Variants in MECOM observed in about 807,000 individuals in gnomAD.
The protein encoded by MECOM is MDS1 and EVI1 complex locus.
Under a neutral mutation model 116.3 loss-of-function variants are expected in MECOM, and 13 were observed. The ratio of observed to expected loss-of-function variants is 0.11; its 90% CI spans 0.07 to 0.18. The LOEUF is 0.18. MECOM is among the 10% of genes least tolerant of loss of function. MECOM has a pLI of 1.00. For synonymous variants in MECOM, 528 were observed against 535.2 expected (o/e 0.99, Z 0.19); for missense variants, 1,299 against 1,509.0 (o/e 0.86, Z 2.31).
At chr3:169,237,594 T>A (rs59909877) in intron 2 of MECOM, among the ~76,000 whole-genome samples, 1 of 114,292 alleles carries the variant, frequency 8.7e-6, no homozygotes, top group African/African-American at 3.5e-5. Context: ...CTGTGCTAAC[T>A]GCAATGTCTC....
rs188214304 is a variant in MECOM at position 169,230,501 on chromosome 3, C to T, written c.376-86669G>A. Among the ~76,000 whole-genome samples the T allele has an allele frequency of 1.3e-4, 20 of 152,170 alleles. No individual in the cohort carries two copies. The East Asian group carries it at 2.7e-3, about 21-fold the overall frequency. ...TACCAGTTCATTATGACTTAATTCTCGATTTTGTTATTGATTTATTAAAAA... is the reference window on the plus strand; with the variant it reads ...TACCAGTTCATTATGACTTAATTCTTGATTTTGTTATTGATTTATTAAAAA... On this transcript the variant is annotated intron_variant, in intron 2 of 16. Transcript: ENST00000651503.
chr3:169,263,460 T>G (rs1030278568), intron 2 of MECOM, among the ~76,000 whole-genome samples: 1 of 151,680 alleles, frequency 6.6e-6, no homozygotes, highest in Non-Finnish European at 1.5e-5. Context: ...TGCCACCGAA[T>G]ATTGACAGAA....
Position 169,632,490 on chromosome 3 carries a change from T to C in MECOM, c.37+30846A>G, listed in dbSNP as rs1490462234. Among the ~76,000 whole-genome samples the C allele has an allele frequency of 3.3e-5, 5 of 152,266 alleles. No individual in the cohort carries two copies. The East Asian group carries it at 9.6e-4, about 29-fold the overall frequency. On this transcript the variant is annotated intron_variant, in intron 1 of 16. Coordinates refer to ENST00000651503, the MANE Select transcript of MECOM (RefSeq NM_004991.4). ...CCCAATCACAGAGCATCATCTTGAA[T>C]TAAAAAATAATCTAAACTTACCGCT...
chr3:169,475,163 T>C (rs558533647), intron 1 of MECOM, among the ~76,000 whole-genome samples: 1 of 152,320 alleles, frequency 6.6e-6, no homozygotes, highest in African/African-American at 2.4e-5. Context: ...CTTTTAATGA[T>C]AACATAGCAT....
chr3:169,495,201 C>T (rs764862342), intron 1 of MECOM, among the ~76,000 whole-genome samples: 7 of 152,130 alleles, frequency 4.6e-5, no homozygotes, highest in Admixed American at 6.6e-5. Context: ...AAGTTCTCCA[C>T]GTATCTTTAA....
intron 2 of MECOM, among the ~76,000 whole-genome samples, chr3:169,171,024 AG>A (rs1744323364): frequency 6.6e-6 from 1 of 152,234 alleles, no homozygotes; most frequent in African/African-American, 2.4e-5. Flanking sequence ...AAGATTTCAA[AG>A]GTACTCCTGG....
At chr3:169,584,513 A>T (rs535072284) in intron 1 of MECOM, among the ~76,000 whole-genome samples, 9 of 151,180 alleles carry the variant, frequency 6.0e-5, no homozygotes, top group African/African-American at 1.9e-4. Flanking sequence ...TGCAGTGAGC[A>T]GAGATGGCGC....
intron 3 of MECOM, among the ~76,000 whole-genome samples, chr3:169,135,452 C>G (rs1194379592): frequency 6.6e-6 from 1 of 151,890 alleles, no homozygotes; most frequent in Non-Finnish European, 1.5e-5. Context: ...AGAAAAAACT[C>G]AATTCTTCCC....
intron 1 of MECOM, among the ~76,000 whole-genome samples, chr3:169,494,201 C>T (rs1753534906): frequency 6.6e-6 from 1 of 151,918 alleles, no homozygotes; most frequent in South Asian, 2.1e-4. Flanking sequence ...GTTTTTATTA[C>T]CCAAAGGAAA....
intron 1 of MECOM, among the ~76,000 whole-genome samples, chr3:169,439,878 C>T (rs1458994678): frequency 6.6e-6 from 1 of 152,084 alleles, no homozygotes; most frequent in Admixed American, 6.6e-5. Context: ...AAATGAATAA[C>T]ATGGGTGAAT....
chr3:169,521,433 A>G (rs890364667), intron 1 of MECOM, among the ~76,000 whole-genome samples: 1 of 152,220 alleles, frequency 6.6e-6, no homozygotes, highest in African/African-American at 2.4e-5. Flanking sequence ...TCCATTCCCA[A>G]GAAAAAGAAG....
intron 1 of MECOM, among the ~76,000 whole-genome samples, chr3:169,563,183 C>T (rs1762854687): frequency 6.6e-6 from 1 of 152,094 alleles, no homozygotes; most frequent in Admixed American, 6.6e-5. Context: ...AGAGGGTGCA[C>T]CCTGGCAGAC....
chr3:169,573,695 A>G (rs75334937), intron 1 of MECOM, among the ~76,000 whole-genome samples: 1,822 of 152,316 alleles, frequency 0.012, 31 homozygotes, highest in African/African-American at 0.034. Context: ...TTAACTTTCA[A>G]GAAGAAAATA....
chr3:169,276,377 C>T lies in MECOM; in HGVS notation c.375+104810G>A, dbSNP rs537874280. Among the ~76,000 whole-genome samples the T allele has an allele frequency of 1.2e-3, 181 of 151,994 alleles. 1 individual carries two copies. Among genetic ancestry groups the T allele is most frequent in the African/African-American group, 4.2e-3 (175 of 41,462 alleles). On this transcript the variant is annotated intron_variant, in intron 2 of 16. Coordinates refer to ENST00000651503, the MANE Select transcript of MECOM (RefSeq NM_004991.4). Reference sequence around the variant, plus strand: ...GATCAGCCTGGCCAGAATGGTGAAACCCCGTCTCTATTAAAAATAGAAAAA... The same window carrying T: ...GATCAGCCTGGCCAGAATGGTGAAATCCCGTCTCTATTAAAAATAGAAAAA...
intron 2 of MECOM, among the ~76,000 whole-genome samples, chr3:169,244,596 T>G (rs868268823): frequency 4.6e-5 from 7 of 152,228 alleles, no homozygotes; most frequent in African/African-American, 1.7e-4. Flanking sequence ...ACCCTTTAGA[T>G]TCTTAATTCT....
At chr3:169,560,480 A>C (rs971135046) in intron 1 of MECOM, among the ~76,000 whole-genome samples, 3 of 152,136 alleles carry the variant, frequency 2.0e-5, no homozygotes, top group Admixed American at 6.6e-5. Flanking sequence ...TTTATAAAAA[A>C]TTTATATCCC....
chr3:169,568,509 C>A (rs1763510922), intron 1 of MECOM, among the ~76,000 whole-genome samples: 1 of 152,172 alleles, frequency 6.6e-6, no homozygotes, highest in Non-Finnish European at 1.5e-5. Flanking sequence ...TGAAGTCCAC[C>A]TGGGACATTT....
chr3:169,111,863 C>G (rs1727517242), intron 9 of MECOM, among the ~76,000 whole-genome samples: 1 of 151,954 alleles, frequency 6.6e-6, no homozygotes, highest in African/African-American at 2.4e-5. Context: ...AATTTAATTA[C>G]CTCATAGCTT....
chr3:169,255,641 G>A (rs758629632), intron 2 of MECOM, among the ~76,000 whole-genome samples: 55 of 152,000 alleles, frequency 3.6e-4, no homozygotes, highest in Non-Finnish European at 7.4e-4. Flanking sequence ...AGACTTTATT[G>A]GTCAAGTTCC....
Sources: gnomAD v4.1 joint callset for allele counts (sites outside exome capture counted in the v4.1 genomes callset) on GRCh38, gnomAD v4.1.1 for gene constraint, MANE v1.5 for transcripts, NCBI Gene and HGNC (gene_info 2026-07-23, HGNC 2026-07-21) for gene names.